Variants in C10orf90 observed in about 807,000 individuals in gnomAD.
C10orf90 encodes (E2-independent) E3 ubiquitin-conjugating enzyme FATS.
C10orf90 carries 56 observed loss-of-function variants against 62.5 expected under a neutral mutation model. The observed-to-expected ratio is 0.90, with a 90% CI of 0.72 to 1.12. The LOEUF is 1.12. Among genes scored for constraint, C10orf90 ranks in the 50% most tolerant of loss-of-function variants. The pLI, the probability that C10orf90 is intolerant of heterozygous loss-of-function variation, is 0.00. For missense variants in C10orf90, 970 were observed against 880.4 expected (o/e 1.10, Z -1.29); for synonymous variants, 386 against 340.4 (o/e 1.13, Z -1.47).
rs977224129 is a variant in C10orf90, at chr10:126,647,495, G to C, written c.241-858C>G. 2.6e-5 allele frequency among the ~76,000 whole-genome samples: 4 copies of C among 152,202 alleles called. No homozygotes were observed. In the East Asian group the frequency reaches 5.8e-4, roughly 22 times the overall value. On this transcript the variant is annotated intron_variant, in intron 1 of 9. Transcript: ENST00000488181. ...CCCTGCATCTGGGCAACCAGCTCTG[G>C]GGTTGCAGAGGGGAATCTGTAGTCA... is the stretch of plus-strand genomic sequence containing the variant.
At chr10:126,614,380 C>T (rs1042209092) in intron 2 of C10orf90, among the ~76,000 whole-genome samples, 9 of 152,330 alleles carry the variant, frequency 5.9e-5, no homozygotes, top group Middle Eastern at 3.4e-3. Context: ...GTGATAAATA[C>T]TCTACAGACT....
chr10:126,505,493 G>A (rs1474347753), intron 3 of C10orf90, among the ~76,000 whole-genome samples: 2 of 152,170 alleles, frequency 1.3e-5, no homozygotes, highest in African/African-American at 4.8e-5. Context: ...GGTTTATGTG[G>A]GAGATTAGTC....
In C10orf90 at chr10:126,504,726, A is replaced by T; in HGVS notation, c.765T>A (p.Thr255=). ...ACTTGGGGCACAGAGAGTCCCCAGC[A>T]GTCCCCCACACCAGGGCGCGGGCTG... ...GPPARALVWG[T]AGDSLCPKCR... is the part of the protein sequence containing the mutation. Residue 255 remains threonine, a synonymous_variant, in exon 4 of 10, where the codon ACT becomes ACA. Coordinates refer to ENST00000488181, the MANE Select transcript of C10orf90 (RefSeq NM_001350921.2). This position sits in a 1 kb window ranked among gnomAD's most constrained non-coding sequence, Gnocchi z 4.1. 6.2e-7 allele frequency: 1 copy of T among 1,605,478 alleles called. No individual in the cohort carries two copies. Among genetic ancestry groups the T allele is most frequent in the Non-Finnish European group, 8.5e-7 (1 of 1,174,890 alleles).
chr10:126,629,145 C>T (rs921863445), intron 2 of C10orf90, among the ~76,000 whole-genome samples: 5 of 152,222 alleles, frequency 3.3e-5, no homozygotes, highest in African/African-American at 9.6e-5. Flanking sequence ...GCATTTAGGG[C>T]TCTAACTGCT....
In C10orf90 at chr10:126,525,482, T is replaced by A. The variant is rs186430034; in HGVS notation, c.314-11543A>T. Among the ~76,000 whole-genome samples the A allele has an allele frequency of 3.7e-4, 57 of 152,342 alleles. 1 individual carries two copies. The East Asian group carries it at 0.01, about 27-fold the overall frequency. On this transcript the variant is annotated intron_variant, in intron 2 of 9. Coordinates refer to ENST00000488181, the MANE Select transcript of C10orf90 (RefSeq NM_001350921.2). ...TTCAGCTGAATTGGCCGGAGCAGAA[T>A]GTCTAGAGCCCAGAGCCGGAGCCTG...
intron 4 of C10orf90, among the ~76,000 whole-genome samples, chr10:126,503,597 C>A (rs1331892741): frequency 2.6e-5 from 4 of 152,068 alleles, no homozygotes; most frequent in Non-Finnish European, 5.9e-5. Context: ...AGAGATGAAA[C>A]ATCTGGGGGC....
chr10:126,477,103 T>C (rs1157798406), intron 4 of C10orf90, among the ~76,000 whole-genome samples: 1,271 of 103,154 alleles, frequency 0.012, 55 homozygotes, highest in African/African-American at 0.046. Context: ...TTTTTTTTTT[T>C]TTTTTTTTTT....
chr10:126,506,930 G>A (rs1434219395), intron 3 of C10orf90, among the ~76,000 whole-genome samples: 1 of 151,980 alleles, frequency 6.6e-6, no homozygotes, highest in South Asian at 2.1e-4. Context: ...GTGTGTGTGT[G>A]TGTGTGTGTG....
At chr10:126,657,965 T>C (rs773777279) in intron 1 of C10orf90, among the ~76,000 whole-genome samples, 2 of 152,128 alleles carry the variant, frequency 1.3e-5, no homozygotes, top group African/African-American at 2.4e-5. Flanking sequence ...AACAGGACTA[T>C]GGGGCATGCT....
chr10:126,504,393 C>T lies in C10orf90; in HGVS notation c.1098G>A (p.Lys366=). ...GTGGCTCAATGGGGACGGAGAGAGA[C>T]TTGTCTACGTAATAGATTGAATCTG... The part of the protein sequence containing the change: ...QCPDSIYYVD[K]SLSVPIEPPQ... The change falls in exon 4 of 10, where the codon AAG becomes AAA. Residue 366 remains lysine, a synonymous_variant. Transcript: ENST00000488181. The surrounding 1 kb of genome is among the most constrained non-coding windows in gnomAD (Gnocchi z 4.1). 1 of 1,614,198 alleles carries T rather than the reference C, an allele frequency of 6.2e-7. No homozygotes were observed.
intron 7 of C10orf90, among the ~76,000 whole-genome samples, chr10:126,455,843 G>A (rs1189741784): frequency 2.6e-5 from 4 of 152,162 alleles, no homozygotes; most frequent in African/African-American, 9.7e-5. Context: ...TCTCAAAGGT[G>A]CTCAGAATTC....
chr10:126,563,963 G>A (rs530364286), intron 2 of C10orf90, among the ~76,000 whole-genome samples: 1 of 152,284 alleles, frequency 6.6e-6, no homozygotes, highest in South Asian at 2.1e-4. Context: ...AGCAGTCTCT[G>A]CATGAGGGCT....
intron 2 of C10orf90, among the ~76,000 whole-genome samples, chr10:126,570,096 T>C (rs182203474): frequency 6.6e-6 from 1 of 152,196 alleles, no homozygotes; most frequent in Non-Finnish European, 1.5e-5. Context: ...GGTGCTGGTG[T>C]TACACTGCAT....
chr10:126,449,357 C>T (rs1244525262), intron 7 of C10orf90, among the ~76,000 whole-genome samples: 1 of 152,032 alleles, frequency 6.6e-6, no homozygotes, highest in African/African-American at 2.4e-5. Context: ...TAAAACTTCT[C>T]AACAAATTAG....
intron 2 of C10orf90, among the ~76,000 whole-genome samples, chr10:126,586,457 C>T (rs1049052923): frequency 1.3e-5 from 2 of 152,172 alleles, no homozygotes; most frequent in African/African-American, 4.8e-5. Context: ...GTAAACGGGG[C>T]GCTCTTTCGT....
At chr10:126,538,806 T>C (rs7081740) in intron 2 of C10orf90, among the ~76,000 whole-genome samples, 2,012 of 152,310 alleles carry the variant, frequency 0.013, 48 homozygotes, top group African/African-American at 0.046. Context: ...CCTCTGCTTA[T>C]TCTAGATATG....
chr10:126,622,888 T>C (rs984690313), intron 2 of C10orf90, among the ~76,000 whole-genome samples: 1 of 152,230 alleles, frequency 6.6e-6, no homozygotes, highest in African/African-American at 2.4e-5. Flanking sequence ...TTATTTAATT[T>C]ACATGTGCAA....
chr10:126,649,018 C>G (rs1426099794), intron 1 of C10orf90, among the ~76,000 whole-genome samples: 8 of 83,346 alleles, frequency 9.6e-5, no homozygotes, highest in Admixed American at 1.2e-4. Flanking sequence ...TGATATCTCT[C>G]TCTCTCTCTG....
intron 7 of C10orf90, among the ~76,000 whole-genome samples, chr10:126,433,716 C>G (rs1398129030): frequency 1.3e-5 from 2 of 151,988 alleles, no homozygotes; most frequent in African/African-American, 4.8e-5. Context: ...TGTTTGAAAA[C>G]AAAACAAAAC....
Sources: gnomAD v4.1 joint callset for allele counts (sites outside exome capture counted in the v4.1 genomes callset) on GRCh38, gnomAD v4.1.1 for gene constraint, Gnocchi (gnomAD v3.1) non-coding constraint, MANE v1.5 for transcripts, NCBI Gene and HGNC (gene_info 2026-07-23, HGNC 2026-07-21) for gene names.